The following FGF12 variants were observed in gnomAD, a reference collection of about 807,000 sequenced individuals.
FGF12 encodes the protein fibroblast growth factor 12B.
FGF12 carries 14 observed loss-of-function variants against 23.6 expected under a neutral mutation model. The observed-to-expected ratio is 0.59, with a 90% CI of 0.39 to 0.93. The LOEUF is 0.93. FGF12 is among the 40% of genes least tolerant of loss of function. FGF12 has a pLI of 0.00. For missense variants in FGF12, 175 were observed against 217.8 expected (o/e 0.80, Z 1.24); for synonymous variants, 62 against 77.3 (o/e 0.80, Z 1.04).
chr3:192,210,381 A>G (rs944031467), intron 4 of FGF12, among the ~76,000 whole-genome samples: 1 of 152,232 alleles, frequency 6.6e-6, no homozygotes, highest in African/African-American at 2.4e-5. Flanking sequence ...GAAAAAAAAT[A>G]CACAAGAAAA....
intron 2 of FGF12, among the ~76,000 whole-genome samples, chr3:192,568,818 A>T (rs1286740286): frequency 1.3e-5 from 2 of 152,186 alleles, no homozygotes; most frequent in African/African-American, 4.8e-5. Flanking sequence ...GTGTTCAAGC[A>T]GTAAGGAGAG....
At chr3:192,590,342 A>C (rs1713566028) in intron 2 of FGF12, among the ~76,000 whole-genome samples, 1 of 151,984 alleles carries the variant, frequency 6.6e-6, no homozygotes, top group Admixed American at 6.6e-5. Flanking sequence ...CTTTATAGAT[A>C]GTTAATTCAT....
intron 2 of FGF12, among the ~76,000 whole-genome samples, chr3:192,439,976 GA>G (rs5855427): frequency 0.022 from 2,555 of 114,050 alleles, 63 homozygotes; most frequent in African/African-American, 0.064. Context: ...ACTCCATATG[GA>G]AAAAAAAAAA....
intron 2 of FGF12, among the ~76,000 whole-genome samples, chr3:192,647,495 CA>C (rs1716047250): frequency 6.6e-6 from 1 of 151,756 alleles, no homozygotes; most frequent in Admixed American, 6.6e-5. Flanking sequence ...AGTGACTTAT[CA>C]GGATGCTGAA....
chr3:192,555,139 C>A (rs1365323989), intron 2 of FGF12, among the ~76,000 whole-genome samples: 1 of 152,138 alleles, frequency 6.6e-6, no homozygotes, highest in African/African-American at 2.4e-5. Flanking sequence ...TGGGCCCAAA[C>A]TTCCCAAATC....
rs866684511 is a variant in FGF12, at chr3:192,722,650, C to T, written c.13+4531G>A. On this transcript the variant is annotated intron_variant, in intron 2 of 5. Transcript: ENST00000445105. ...TCCCACACTTCTCCCAACTTACAAT[C>T]TTCTGGATCCATGAAGTTGGCCTAA... Among the ~76,000 whole-genome samples the T allele has an allele frequency of 5.0e-4, 76 of 152,302 alleles. 3 individuals carry two copies. The Middle Eastern group carries it at 0.065, about 130-fold the overall frequency.
At chr3:192,367,942 T>C (rs1719056734) in intron 2 of FGF12, among the ~76,000 whole-genome samples, 1 of 152,206 alleles carries the variant, frequency 6.6e-6, no homozygotes, top group South Asian at 2.1e-4. Context: ...GAGGATTCTG[T>C]AACTAAGTGC....
chr3:192,345,358 T>C (rs1717902490), intron 3 of FGF12, among the ~76,000 whole-genome samples: 1 of 152,236 alleles, frequency 6.6e-6, no homozygotes, highest in South Asian at 2.1e-4. Flanking sequence ...ACCTAGATTC[T>C]GGTGGCTACA....
chr3:192,337,055 T>C (rs1241622977), intron 3 of FGF12, among the ~76,000 whole-genome samples: 1 of 152,202 alleles, frequency 6.6e-6, no homozygotes, highest in African/African-American at 2.4e-5. Flanking sequence ...TTTCTTGCTA[T>C]ATTCTTACCA....
chr3:192,183,741 C>A lies in FGF12; in HGVS notation c.229-13085G>T, dbSNP rs116233145. 5.4e-3 allele frequency among the ~76,000 whole-genome samples: 829 copies of A among 152,270 alleles called. 7 individuals carry two copies. The highest frequency in any genetic ancestry group is 0.019 in the African/African-American group (806 of 41,562). ...TGCAAATATGTAGTTTGACTCTTCA[C>A]TTTACAGATGAAGAAAGCAAGGCTG... On this transcript the variant is annotated intron_variant, in intron 4 of 5. Transcript: ENST00000445105.
At chr3:192,276,522 T>C (rs924840684) in intron 4 of FGF12, among the ~76,000 whole-genome samples, 1 of 152,210 alleles carries the variant, frequency 6.6e-6, no homozygotes, top group African/African-American at 2.4e-5. Flanking sequence ...ATTCTCATTT[T>C]AATGTTGTTG....
intron 4 of FGF12, among the ~76,000 whole-genome samples, chr3:192,219,054 C>G (rs1718341306): frequency 6.6e-6 from 1 of 152,064 alleles, no homozygotes; most frequent in Non-Finnish European, 1.5e-5. Flanking sequence ...AAATTAGAAA[C>G]ATTTACTTAT....
At chr3:192,148,129 G>T (rs1402002437) in intron 5 of FGF12, among the ~76,000 whole-genome samples, 2 of 152,106 alleles carry the variant, frequency 1.3e-5, no homozygotes, top group Non-Finnish European at 2.9e-5. Flanking sequence ...CAAAATAAAT[G>T]AAAGCAGGGA....
chr3:192,720,033 T>A (rs1383234791), intron 2 of FGF12, among the ~76,000 whole-genome samples: 1 of 152,266 alleles, frequency 6.6e-6, no homozygotes, highest in African/African-American at 2.4e-5. Context: ...TCTTCCTGCC[T>A]GCTTGGTAAA....
chr3:192,333,763 C>A (rs1717247189), intron 4 of FGF12, among the ~76,000 whole-genome samples: 1 of 151,842 alleles, frequency 6.6e-6, no homozygotes, highest in African/African-American at 2.4e-5. Flanking sequence ...AATCGATGGA[C>A]AAAAGGCTGA....
chr3:192,220,019 T>C (rs1718389266), intron 4 of FGF12, among the ~76,000 whole-genome samples: 1 of 152,154 alleles, frequency 6.6e-6, no homozygotes, highest in South Asian at 2.1e-4. Flanking sequence ...CTCTTAATAT[T>C]ACAATCATTT....
At chr3:192,320,582 C>CA (rs1233136697) in intron 4 of FGF12, among the ~76,000 whole-genome samples, 2 of 151,890 alleles carry the variant, frequency 1.3e-5, no homozygotes, top group South Asian at 2.1e-4. Context: ...TTGGAAAATT[C>CA]AAAAAAACTG....
chr3:192,277,515 T>G (rs541189492), intron 4 of FGF12, among the ~76,000 whole-genome samples: 1 of 152,162 alleles, frequency 6.6e-6, no homozygotes, highest in African/African-American at 2.4e-5. Context: ...TCAATCTCTA[T>G]AGGGTATTCA....
intron 2 of FGF12, among the ~76,000 whole-genome samples, chr3:192,444,864 G>C (rs1722305068): frequency 6.6e-6 from 1 of 152,216 alleles, no homozygotes; most frequent in Non-Finnish European, 1.5e-5. Context: ...GATTCTCTGA[G>C]TAGCAGGAGA....
Sources: allele counts gnomAD v4.1 joint callset (sites outside exome capture counted in the v4.1 genomes callset), GRCh38; gene constraint gnomAD v4.1.1; transcripts MANE v1.5; gene names NCBI Gene and HGNC (gene_info 2026-07-23, HGNC 2026-07-21).